The following TTPA variants were observed in gnomAD, a reference collection of about 807,000 sequenced individuals.
TTPA encodes alpha tocopherol transfer protein, also known as alpha-tocopherol transfer protein.
Under a neutral mutation model 25.9 loss-of-function variants are expected in TTPA, and 23 were observed. The observed-to-expected ratio is 0.89, with a 90% CI of 0.64 to 1.26. The LOEUF is 1.26. Among genes scored for constraint, TTPA ranks in the 50% most tolerant of loss-of-function variants. The pLI is 0.00. For missense variants in TTPA, 337 were observed against 353.1 expected (o/e 0.95, Z 0.37); for synonymous variants, 148 against 137.3 (o/e 1.08, Z -0.54).
intron 3 of TTPA, among the ~76,000 whole-genome samples, chr8:63,064,617 C>T (rs1026987763): frequency 1.3e-5 from 2 of 152,010 alleles, no homozygotes; most frequent in African/African-American, 4.8e-5. Context: ...TTTTAACGAA[C>T]CAATGAGTCA....
intron 3 of TTPA, among the ~76,000 whole-genome samples, chr8:63,064,877 G>C (rs1805364486): frequency 6.6e-6 from 1 of 152,132 alleles, no homozygotes; most frequent in South Asian, 2.1e-4. Flanking sequence ...TCTTTTATGT[G>C]AAGTTCTTTT....
At chr8:63,062,431 C>G (rs965277693) in intron 4 of TTPA, among the ~76,000 whole-genome samples, 1 of 152,116 alleles carries the variant, frequency 6.6e-6, no homozygotes, top group Non-Finnish European at 1.5e-5. Flanking sequence ...TAATAAGCAT[C>G]TATTATGTGC....
intron 4 of TTPA, 44 bp from the exon 5 acceptor site, chr8:63,061,469 A>G (rs374858226): frequency 1.9e-6 from 3 of 1,581,092 alleles, no homozygotes; most frequent in Non-Finnish European, 2.6e-6. Flanking sequence ...CATTAGATGC[A>G]TTTCCAGTGG....
intron 1 of TTPA, among the ~76,000 whole-genome samples, chr8:63,081,441 GC>G (rs1332178449): frequency 1.3e-5 from 2 of 152,096 alleles, no homozygotes; most frequent in Non-Finnish European, 2.9e-5. Context: ...AAATTCAACA[GC>G]CCTTCATGCT....
At chr8:63,085,791 C>G (rs1018032856) in intron 1 of TTPA, 27 bp downstream of exon 1, 5 of 1,531,514 alleles carry the variant, frequency 3.3e-6, no homozygotes, top group Non-Finnish European at 4.4e-6. Context: ...GTGCGCACTG[C>G]CGAGCGCCCT....
At chr8:63,065,300 G>A (rs925222091) in intron 3 of TTPA, among the ~76,000 whole-genome samples, 17 of 152,120 alleles carry the variant, frequency 1.1e-4, no homozygotes, top group East Asian at 3.9e-4. Context: ...GTCACTTCTC[G>A]GATATAGTTT....
intron 4 of TTPA, among the ~76,000 whole-genome samples, chr8:63,062,455 T>C (rs1474735011): frequency 6.6e-6 from 1 of 152,200 alleles, no homozygotes; most frequent in Admixed American, 6.5e-5. Flanking sequence ...GATATGAGGT[T>C]TGATGGATGA....
At chr8:63,073,199 G>A in intron 1 of TTPA, 111 bp from the exon 2 acceptor site, 1 of 856,110 alleles carries the variant, frequency 1.2e-6, no homozygotes, top group Non-Finnish European at 1.9e-6. Context: ...ATTATGTCAA[G>A]AGTTTAATCT....
intron 1 of TTPA, among the ~76,000 whole-genome samples, chr8:63,079,896 C>A (rs1805633353): frequency 6.6e-6 from 1 of 152,162 alleles, no homozygotes; most frequent in Admixed American, 6.5e-5. Context: ...CACACTCATT[C>A]TAAAATTGAC....
At position 63,061,492 on chromosome 8, in the gene TTPA, A is replaced by T. The variant is rs1306768771; in HGVS notation, c.664-67T>A. 3 of 1,441,186 alleles carry T rather than the reference A, an allele frequency of 2.1e-6. No homozygotes were observed. In the African/African-American group the frequency reaches 4.2e-5, roughly 20 times the overall value. 89.3% of individuals were successfully genotyped at this position (1,441,186 alleles called of 1,614,324 possible). A position where few individuals can be genotyped will look rare whatever the true frequency, so the allele number is the denominator to read the frequency against. ...GCATTTCCAGTGGAAAATCAACCTC[A>T]TAAAACAAGGTATTCTAATAACTTC... On this transcript the variant is annotated intron_variant, in intron 4 of 4. Coordinates refer to ENST00000260116, the MANE Select transcript of TTPA (RefSeq NM_000370.3).
intron 2 of TTPA, among the ~76,000 whole-genome samples, chr8:63,069,174 A>G (rs1388483724): frequency 3.3e-5 from 5 of 152,050 alleles, no homozygotes; most frequent in African/African-American, 9.7e-5. Flanking sequence ...AACAAAACAA[A>G]ACAAAACAAA....
At chr8:63,081,695 C>CA (rs888124620) in intron 1 of TTPA, among the ~76,000 whole-genome samples, 3 of 152,158 alleles carry the variant, frequency 2.0e-5, no homozygotes, top group African/African-American at 7.2e-5. Flanking sequence ...AATGGGAAGT[C>CA]AAATTGTCCC....
chr8:63,082,571 C>T (rs928464946), intron 1 of TTPA, among the ~76,000 whole-genome samples: 4 of 152,180 alleles, frequency 2.6e-5, no homozygotes, highest in Non-Finnish European at 5.9e-5. Flanking sequence ...CCATTCAGGC[C>T]ATAGGTGTGG....
At position 63,059,782 on chromosome 8, in the gene TTPA, ATT is replaced by A. The variant is rs1805271603; in HGVS notation, c.*1468_*1469del. On this transcript the variant is annotated 3_prime_UTR_variant, in exon 5 of 5. Transcript: ENST00000260116. ...ATCTTTACCGGTTATTTATTTATTT[ATT>A]TTTATTTTTATTTTTTAATTTTTTT... The A allele has an allele frequency of 6.6e-6, 1 of 151,966 alleles. No individual in the cohort carries two copies. The highest frequency in any genetic ancestry group is 2.1e-4 in the South Asian group (1 of 4,812). The allele number at this position is 151,966 out of a possible 1,614,324, so 9.4% of individuals were successfully genotyped here. A position where few individuals can be genotyped will look rare whatever the true frequency, so the allele number is the denominator to read the frequency against.
At chr8:63,063,388 T>C (rs1183888512) in intron 4 of TTPA, among the ~76,000 whole-genome samples, 2 of 152,168 alleles carry the variant, frequency 1.3e-5, no homozygotes, top group African/African-American at 4.8e-5. Flanking sequence ...AAAAATCCAG[T>C]ATCTTTGCTC....
chr8:63,062,058 G>A (rs1805314972), intron 4 of TTPA, among the ~76,000 whole-genome samples: 2 of 152,082 alleles, frequency 1.3e-5, no homozygotes, highest in Admixed American at 1.3e-4. Flanking sequence ...AGCTGGGCGT[G>A]GTGGTGCAGG....
intron 2 of TTPA, among the ~76,000 whole-genome samples, chr8:63,067,024 G>A (rs150747431): frequency 3.2e-4 from 49 of 151,936 alleles, no homozygotes; most frequent in African/African-American, 1.1e-3. Flanking sequence ...AAGTCTAATC[G>A]GGGCAACATA....
chr8:63,081,500 T>C (rs1805663175), intron 1 of TTPA, among the ~76,000 whole-genome samples: 1 of 152,102 alleles, frequency 6.6e-6, no homozygotes, highest in Admixed American at 6.5e-5. Context: ...CTCAAAATAA[T>C]AAGAGGTATT....
intron 3 of TTPA, among the ~76,000 whole-genome samples, chr8:63,065,692 G>A (rs200943518): frequency 6.6e-6 from 1 of 152,026 alleles, no homozygotes; most frequent in African/African-American, 2.4e-5. Flanking sequence ...TTACTAATTT[G>A]AACATATTTT....
Sources: allele counts gnomAD v4.1 joint callset (sites outside exome capture counted in the v4.1 genomes callset), GRCh38; gene constraint gnomAD v4.1.1; transcripts MANE v1.5; gene names NCBI Gene and HGNC (gene_info 2026-07-23, HGNC 2026-07-21).